The following PTPN4 variants were observed in gnomAD, a reference collection of about 807,000 sequenced individuals.
PTPN4 encodes the protein protein tyrosine phosphatase non-receptor type 4.
A neutral mutation model predicts 135.5 loss-of-function variants in PTPN4; 49 were observed. That is an observed-to-expected ratio of 0.36 (90% CI 0.29 to 0.46). The LOEUF is 0.46. Ranked by LOEUF, PTPN4 falls within the 20% of genes least tolerant of loss-of-function variation. The pLI, the probability that PTPN4 is intolerant of heterozygous loss-of-function variation, is 1.00. For missense variants in PTPN4, 860 were observed against 1,101.0 expected, an observed-to-expected ratio of 0.78 and a Z score of 3.10; for synonymous variants, 333 against 369.9, an observed-to-expected ratio of 0.90 and a Z score of 1.14.
chr2:119,798,962 T>G (rs888882652), intron 1 of PTPN4, among the ~76,000 whole-genome samples: 4 of 152,170 alleles, frequency 2.6e-5, no homozygotes, highest in African/African-American at 9.7e-5. Context: ...TATATCGTTA[T>G]GATTGCTTTA....
At chr2:119,765,463 T>G (rs758020433) in intron 1 of PTPN4, among the ~76,000 whole-genome samples, 3 of 152,252 alleles carry the variant, frequency 2.0e-5, no homozygotes, top group Non-Finnish European at 4.4e-5. Context: ...CTACAGTGGT[T>G]GTTCTTGTTT....
At chr2:119,761,901 GACGAGGATGTGATTTTTCT>G (rs1461738675) in intron 1 of PTPN4, among the ~76,000 whole-genome samples, 5 of 152,150 alleles carry the variant, frequency 3.3e-5, no homozygotes. Flanking sequence ...AGTAGTAATA[GACGAGGATGTGATTTTTCT>G]TACTGCCCAT....
intron 1 of PTPN4, among the ~76,000 whole-genome samples, chr2:119,762,273 T>A (rs867225112): frequency 6.6e-6 from 1 of 150,904 alleles, no homozygotes; most frequent in East Asian, 1.9e-4. Context: ...TGCCTAACTT[T>A]AAAAAAAAAG....
chr2:119,959,488 C>A (rs1347749030), intron 22 of PTPN4, among the ~76,000 whole-genome samples: 1 of 152,178 alleles, frequency 6.6e-6, no homozygotes, highest in African/African-American at 2.4e-5. Context: ...TCCTGTAATC[C>A]CAGCACTAAA....
intron 1 of PTPN4, among the ~76,000 whole-genome samples, chr2:119,781,614 GACC>G (rs1690941361): frequency 2.0e-5 from 3 of 152,106 alleles, no homozygotes; most frequent in South Asian, 4.1e-4. Context: ...GGTCAAATCT[GACC>G]ACCACCTTTT....
chr2:119,862,264 C>G (rs951215962), intron 2 of PTPN4, among the ~76,000 whole-genome samples: 1 of 152,144 alleles, frequency 6.6e-6, no homozygotes, highest in African/African-American at 2.4e-5. Context: ...CATGTGAAGT[C>G]TTTTTTCTCA....
At position 119,882,164 on chromosome 2, in the gene PTPN4, AT is replaced by A; in HGVS notation, c.466+20del. 6.3e-7 allele frequency: 1 copy of A among 1,592,230 alleles called. No homozygotes were observed. The highest frequency in any genetic ancestry group is 8.6e-7 in the Non-Finnish European group (1 of 1,160,416). On this transcript the variant is annotated intron_variant, in intron 7 of 26. Transcript: ENST00000263708. ...TGCTGTTCAGTGTAAGTATCAGCCC[AT>A]TTTTAGGTCAAATAGCATATAACTG... is the stretch of plus-strand genomic sequence containing the variant.
intron 1 of PTPN4, among the ~76,000 whole-genome samples, chr2:119,772,052 G>T (rs574607100): frequency 6.8e-4 from 103 of 152,260 alleles, no homozygotes; most frequent in Middle Eastern, 3.4e-3. Flanking sequence ...TTATTTTTGT[G>T]TGTTTCTTTT....
At chr2:119,861,140 A>G (rs532391123) in intron 2 of PTPN4, among the ~76,000 whole-genome samples, 94 of 152,130 alleles carry the variant, frequency 6.2e-4, no homozygotes, top group Admixed American at 1.4e-3. Context: ...TCATAACATG[A>G]CAGAGAAGCA....
At chr2:119,882,456 T>C (rs1346080397) in intron 7 of PTPN4, 47 bp from the exon 8 acceptor site, 5 of 1,429,004 alleles carry the variant, frequency 3.5e-6, no homozygotes, top group Admixed American at 2.8e-5. Context: ...CTATAATAAT[T>C]TAAAAATTTG....
At chr2:119,769,209 G>A (rs1690692015) in intron 1 of PTPN4, among the ~76,000 whole-genome samples, 1 of 152,196 alleles carries the variant, frequency 6.6e-6, no homozygotes, top group Non-Finnish European at 1.5e-5. Context: ...GAGTGTGGTT[G>A]TGTGTTAGAT....
chr2:119,852,129 T>C (rs1677601306), intron 2 of PTPN4, among the ~76,000 whole-genome samples: 1 of 152,226 alleles, frequency 6.6e-6, no homozygotes, highest in Admixed American at 6.5e-5. Context: ...CTCAGCTTTG[T>C]TGGGACAACT....
Position 119,977,237 on chromosome 2 carries a change from T to C in PTPN4, c.*167T>C, listed in dbSNP as rs1679631428. The C allele has an allele frequency of 2.7e-6, 3 of 1,116,972 alleles. No homozygotes were observed. The highest frequency in any genetic ancestry group is 2.6e-5 in the South Asian group (1 of 38,070). The allele number at this position is 1,116,972 out of a possible 1,614,324, so 69.2% of individuals were successfully genotyped here. A position where few individuals can be genotyped will look rare whatever the true frequency, so the allele number is the denominator to read the frequency against. ...CACTTTATGTTTTAAAAAATGTCAC[T>C]CTTTCAAAATCTATAACTCATGTAT... On this transcript the variant is annotated 3_prime_UTR_variant, in exon 27 of 27. Coordinates refer to ENST00000263708, the MANE Select transcript of PTPN4 (RefSeq NM_002830.4).
chr2:119,786,892 A>T (rs1321767847), intron 1 of PTPN4, among the ~76,000 whole-genome samples: 2 of 152,052 alleles, frequency 1.3e-5, no homozygotes, highest in African/African-American at 2.4e-5. Context: ...CACAGATACA[A>T]CCTGAGAGGC....
At chr2:119,805,561 T>C (rs1343622208) in intron 1 of PTPN4, among the ~76,000 whole-genome samples, 1 of 152,226 alleles carries the variant, frequency 6.6e-6, no homozygotes, top group Non-Finnish European at 1.5e-5. Flanking sequence ...TTCTTGTTTT[T>C]GTCAGGTTTG....
chr2:119,943,024 G>T (rs1679082201), intron 15 of PTPN4, among the ~76,000 whole-genome samples: 1 of 152,188 alleles, frequency 6.6e-6, no homozygotes, highest in Non-Finnish European at 1.5e-5. Context: ...AGAATTTAGA[G>T]CATTTGTGCC....
chr2:119,760,785 A>T (rs977035573), intron 1 of PTPN4, among the ~76,000 whole-genome samples: 1 of 105,614 alleles, frequency 9.5e-6, no homozygotes, highest in Admixed American at 1.5e-4. Context: ...TGCACGCTGC[A>T]TGAGCCAACT....
intron 2 of PTPN4, among the ~76,000 whole-genome samples, chr2:119,815,805 T>C (rs191963619): frequency 2.6e-5 from 4 of 152,218 alleles, no homozygotes; most frequent in Non-Finnish European, 5.9e-5. Context: ...GATTTTCAGC[T>C]TGGTTTTCCT....
At position 119,792,861 on chromosome 2, in the gene PTPN4, A is replaced by G. The variant is rs892098503; in HGVS notation, c.-17-16976A>G. ...TGAGCTGCAAAACCAGCAAGTTTTTATTAGCGATTTTCAAAGGGGAGGGAG... is the reference window on the plus strand; with the variant it reads ...TGAGCTGCAAAACCAGCAAGTTTTTGTTAGCGATTTTCAAAGGGGAGGGAG... On this transcript the variant is annotated intron_variant, in intron 1 of 26. Transcript: ENST00000263708. Among the ~76,000 whole-genome samples, 9 of 152,286 alleles carry G rather than the reference A, an allele frequency of 5.9e-5. No individual in the cohort carries two copies. In the South Asian group the frequency reaches 1.7e-3, roughly 28 times the overall value.
Sources: gnomAD v4.1 joint callset for allele counts (sites outside exome capture counted in the v4.1 genomes callset) on GRCh38, gnomAD v4.1.1 for gene constraint, MANE v1.5 for transcripts, NCBI Gene and HGNC (gene_info 2026-07-23, HGNC 2026-07-21) for gene names.